CAMTA1: variants seen among roughly 807,000 people sequenced by gnomAD.
The protein encoded by CAMTA1 is calmodulin-binding transcription activator 1.
A neutral mutation model predicts 170.9 loss-of-function variants in CAMTA1; 27 were observed. The observed-to-expected ratio is 0.16, with a 90% confidence interval of 0.12 to 0.22. CAMTA1 has a LOEUF of 0.22. Ranked by LOEUF, CAMTA1 falls within the 10% of genes least tolerant of loss-of-function variation. The probability of loss-of-function intolerance (pLI) is 1.00; values close to 1 mark genes in which losing one functional copy is unlikely to be tolerated. For missense variants in CAMTA1, 1,619 were observed against 2,217.2 expected, an observed-to-expected ratio of 0.73 and a Z score of 5.42; for synonymous variants, 833 against 891.5, an observed-to-expected ratio of 0.93 and a Z score of 1.17.
chr1:6,817,073 G>C (rs1645910471), intron 1 of CAMTA1, among the ~76,000 whole-genome samples: 1 of 152,146 alleles, frequency 6.6e-6, no homozygotes, highest in Admixed American at 6.5e-5. Flanking sequence ...TGTGTCATAT[G>C]TTATTTTAGT....
At chr1:6,832,907 T>A (rs894435744) in intron 3 of CAMTA1, among the ~76,000 whole-genome samples, 24 of 152,174 alleles carry the variant, frequency 1.6e-4, no homozygotes, top group Admixed American at 5.9e-4. Context: ...AGCAGTTAGG[T>A]TAAATATAGT....
rs192696878 is a variant in CAMTA1 at position 6,985,937 on chromosome 1, G to A, written c.235-105367G>A. 8.2e-4 allele frequency among the ~76,000 whole-genome samples: 125 copies of A among 152,312 alleles called. 2 individuals carry two copies. The highest frequency in any genetic ancestry group is 9.1e-4 in the Non-Finnish European group (62 of 68,026). ...ACCTCTGTGTATGGGCAGGAGCTTC[G>A]TCTTCTAACCTCTGACTACCGGCGA... is the stretch of plus-strand genomic sequence containing the variant. On this transcript the variant is annotated intron_variant, in intron 3 of 22. Transcript: ENST00000303635.
At chr1:6,915,185 C>G (rs546912534) in intron 3 of CAMTA1, among the ~76,000 whole-genome samples, 8 of 152,298 alleles carry the variant, frequency 5.3e-5, no homozygotes, top group Non-Finnish European at 1.2e-4. Context: ...TCTACTTTGT[C>G]AGGCAAAAGT....
chr1:6,833,325 G>C (rs1319106822), intron 3 of CAMTA1, among the ~76,000 whole-genome samples: 4 of 152,152 alleles, frequency 2.6e-5, no homozygotes, highest in Non-Finnish European at 5.9e-5. Context: ...ATAAATATTT[G>C]TTGGATGAAT....
At chr1:7,301,046 C>T (rs1674678565) in intron 5 of CAMTA1, among the ~76,000 whole-genome samples, 1 of 152,136 alleles carries the variant, frequency 6.6e-6, no homozygotes, top group South Asian at 2.1e-4. Context: ...GAGTCACAGT[C>T]TGAGCTTATG....
chr1:6,816,727 C>G (rs182343638), intron 1 of CAMTA1, among the ~76,000 whole-genome samples: 1 of 152,310 alleles, frequency 6.6e-6, no homozygotes, highest in Non-Finnish European at 1.5e-5. Context: ...CTGGAACACA[C>G]CACCGCGGCT....
rs1298976052 is a variant in CAMTA1, at chr1:7,671,047, C to T, written c.2779+10C>T. The T allele has an allele frequency of 1.3e-5, 21 of 1,612,492 alleles. No individual in the cohort carries two copies. The highest frequency in any genetic ancestry group is 1.8e-5 in the Non-Finnish European group (21 of 1,179,640). ...CGCTGCTACTGCCCAGGTGAGAAAG[C>T]CGCCCCCCAGGCCCCCAAGGTGAGT... On this transcript the variant is annotated intron_variant, in intron 10 of 22. Coordinates refer to ENST00000303635, the MANE Select transcript of CAMTA1 (RefSeq NM_015215.4).
At chr1:6,832,174 C>G (rs1222396269) in intron 3 of CAMTA1, among the ~76,000 whole-genome samples, 1 of 151,886 alleles carries the variant, frequency 6.6e-6, no homozygotes, top group African/African-American at 2.4e-5. Context: ...ACCTCCACCT[C>G]CTGGGCTGAA....
chr1:6,917,571 G>A (rs900762895), intron 3 of CAMTA1, among the ~76,000 whole-genome samples: 7 of 143,940 alleles, frequency 4.9e-5, no homozygotes, highest in Non-Finnish European at 6.1e-5. Context: ...GTGGGGGGAA[G>A]GGAGGCGTTA....
rs2095031824 is a variant in CAMTA1, at chr1:7,565,660, T to C, written c.511-74740T>C. ...GGAGGCTGCCTGGGGGCCTCAGCCA[T>C]ACTGTGGGGCTCCTTGGGGAAAGGA... On this transcript the variant is annotated intron_variant, in intron 6 of 22. Transcript: ENST00000303635. The surrounding 1 kb of genome is among the most constrained non-coding windows in gnomAD (Gnocchi z 4.5). Among the ~76,000 whole-genome samples the C allele has an allele frequency of 6.6e-6, 1 of 152,178 alleles. No individual in the cohort carries two copies. The highest frequency in any genetic ancestry group is 6.5e-5 in the Admixed American group (1 of 15,284).
At chr1:6,793,025 T>TTA (rs1389595108) in intron 1 of CAMTA1, among the ~76,000 whole-genome samples, 8 of 151,828 alleles carry the variant, frequency 5.3e-5, no homozygotes, top group South Asian at 4.2e-4. Context: ...CATATATATC[T>TTA]TATATATATA....
At chr1:6,953,773 T>G (rs79913984) in intron 3 of CAMTA1, among the ~76,000 whole-genome samples, 8 of 152,066 alleles carry the variant, frequency 5.3e-5, no homozygotes, top group Non-Finnish European at 7.4e-5. Context: ...TTTTTTTTTT[T>G]ATGAGCTTTC....
At position 7,592,843 on chromosome 1, in the gene CAMTA1, C is replaced by T. The variant is rs545352503; in HGVS notation, c.511-47557C>T. Among the ~76,000 whole-genome samples the T allele has an allele frequency of 1.3e-5, 2 of 152,266 alleles. No individual in the cohort carries two copies. The highest frequency in any genetic ancestry group is 1.9e-4 in the East Asian group (1 of 5,182). On this transcript the variant is annotated intron_variant, in intron 6 of 22. Transcript: ENST00000303635. This position sits in a 1 kb window ranked among gnomAD's most constrained non-coding sequence, Gnocchi z 4.6. ...CAGTAACAACAGTAATAGCTATGGCCATGTGTTAAACATTAGGGCGGGATC... is the reference window on the plus strand; with the variant it reads ...CAGTAACAACAGTAATAGCTATGGCTATGTGTTAAACATTAGGGCGGGATC...
At chr1:7,628,568 C>A (rs1257604059) in intron 6 of CAMTA1, among the ~76,000 whole-genome samples, 1 of 152,264 alleles carries the variant, frequency 6.6e-6, no homozygotes, top group Non-Finnish European at 1.5e-5. Context: ...GCCCAACTTC[C>A]TTCAGAGCTA....
At chr1:7,371,069 G>A (rs372826704) in intron 5 of CAMTA1, among the ~76,000 whole-genome samples, 3 of 151,224 alleles carry the variant, frequency 2.0e-5, no homozygotes, top group South Asian at 2.1e-4. Flanking sequence ...CCACTACCAC[G>A]CGCAGGTAAT....
chr1:7,586,759 G>A (rs900519714), intron 6 of CAMTA1, among the ~76,000 whole-genome samples: 1 of 152,124 alleles, frequency 6.6e-6, no homozygotes, highest in African/African-American at 2.4e-5. Flanking sequence ...ACAGCCCTGA[G>A]ATGTGACCAG....
At position 7,642,032 on chromosome 1, in the gene CAMTA1, C is replaced by T. The variant is rs1164307030; in HGVS notation, c.664+1479C>T. On this transcript the variant is annotated intron_variant, in intron 7 of 22. Transcript: ENST00000303635. This position sits in a 1 kb window ranked among gnomAD's most constrained non-coding sequence, Gnocchi z 6.3. ...CCACTCCCCAGAGCCTGCTGCCTCT[C>T]CACCTGCCCCTCTCCCTGGCTCTGC... Among the ~76,000 whole-genome samples the T allele has an allele frequency of 1.3e-5, 2 of 151,854 alleles. No individual in the cohort carries two copies. The highest frequency in any genetic ancestry group is 4.8e-5 in the African/African-American group (2 of 41,286).
At position 7,697,601 on chromosome 1, in the gene CAMTA1, A is replaced by G. The variant is rs1172903601; in HGVS notation, c.2914+19868A>G. Among the ~76,000 whole-genome samples, 3 of 152,172 alleles carry G rather than the reference A, an allele frequency of 2.0e-5. No homozygotes were observed. The South Asian group carries it at 6.2e-4, about 32-fold the overall frequency. On this transcript the variant is annotated intron_variant, in intron 11 of 22. Transcript: ENST00000303635. ...TTTTAACATCCAACATGTGTGTAAT[A>G]GTGGGGGCCTGGTAGAAGTTGCTGG...
At chr1:7,377,935 T>TA (rs376852915) in intron 5 of CAMTA1, among the ~76,000 whole-genome samples, 19 of 152,010 alleles carry the variant, frequency 1.2e-4, no homozygotes, top group African/African-American at 4.4e-4. Flanking sequence ...AAATAATAAT[T>TA]AAAAAAATAA....
Sources: gnomAD v4.1 joint callset for allele counts (sites outside exome capture counted in the v4.1 genomes callset) on GRCh38, gnomAD v4.1.1 for gene constraint, Gnocchi (gnomAD v3.1) non-coding constraint, MANE v1.5 for transcripts, NCBI Gene and HGNC (gene_info 2026-07-23, HGNC 2026-07-21) for gene names.